FBLN1: variants seen among roughly 807,000 people sequenced by gnomAD.
FBLN1 encodes fibulin 1.
Under a neutral mutation model 89.7 loss-of-function variants are expected in FBLN1, and 34 were observed. The ratio of observed to expected loss-of-function variants is 0.38; its 90% CI spans 0.29 to 0.50. The LOEUF (loss-of-function observed/expected upper bound fraction) is 0.50. Among genes scored for constraint, FBLN1 ranks in the 20% least tolerant of loss-of-function variants. The pLI, the probability that FBLN1 is intolerant of heterozygous loss-of-function variation, is 0.92. For synonymous variants in FBLN1, 393 were observed against 391.3 expected, an observed-to-expected ratio of 1.00 and a Z score of -0.05; for missense variants, 777 against 988.1, an observed-to-expected ratio of 0.79 and a Z score of 2.86.
At chr22:45,517,355 C>G (rs532015313) in intron 1 of FBLN1, 3 of 346,620 alleles carry the variant, frequency 8.7e-6, no homozygotes, top group African/African-American at 4.4e-5. Flanking sequence ...AGAATGAGGT[C>G]CAAGTATGTG....
At chr22:45,567,626 T>C (rs1205551824) in intron 14 of FBLN1, among the ~76,000 whole-genome samples, 1 of 152,040 alleles carries the variant, frequency 6.6e-6, no homozygotes, top group Non-Finnish European at 1.5e-5. Flanking sequence ...AGAAAAAAGA[T>C]ATGCAAAACG....
Position 45,536,043 on chromosome 22 carries a change from C to T in FBLN1, c.922+706C>T, listed in dbSNP as rs1241190722. Among the ~76,000 whole-genome samples, 2 of 152,142 alleles carry T rather than the reference C, an allele frequency of 1.3e-5. No homozygotes were observed. The highest frequency in any genetic ancestry group is 3.9e-4 in the East Asian group (2 of 5,194). ...ACAAAAAATTAGCTGGGTGTAGTGG[C>T]GCATGCCTACAGTCCCAGCTACTTG... On this transcript the variant is annotated intron_variant, in intron 8 of 16. Coordinates refer to ENST00000327858, the MANE Select transcript of FBLN1 (RefSeq NM_006486.3). The surrounding 1 kb of genome is among the most constrained non-coding windows in gnomAD (Gnocchi z 5.1).
In FBLN1 at chr22:45,550,396, A is replaced by T; in HGVS notation, c.1574-96A>T. The stretch of plus-strand genomic sequence containing the variant: ...AGGGATGGCCTGATCGCCACCCCTA[A>T]CCCTAGTTGATGGGAGGCCTGGGCT... On this transcript the variant is annotated intron_variant, in intron 13 of 16. Transcript: ENST00000327858. This position sits in a 1 kb window ranked among gnomAD's most constrained non-coding sequence, Gnocchi z 8.4. 2 of 1,585,016 alleles carry T rather than the reference A, an allele frequency of 1.3e-6. No individual in the cohort carries two copies. The highest frequency in any genetic ancestry group is 2.2e-5 in the South Asian group (2 of 90,150).
At chr22:45,587,420 C>T (rs916414907) in intron 16 of FBLN1, among the ~76,000 whole-genome samples, 2 of 150,258 alleles carry the variant, frequency 1.3e-5, no homozygotes, top group Non-Finnish European at 3.0e-5. Context: ...CCACTTTTCA[C>T]ATCCATCCCC....
intron 14 of FBLN1, among the ~76,000 whole-genome samples, chr22:45,569,206 C>A (rs952366971): frequency 2.0e-5 from 3 of 151,086 alleles, no homozygotes; most frequent in East Asian, 1.9e-4. Flanking sequence ...GTGTCCCCCC[C>A]CAAATTCATA....
At chr22:45,508,635 G>A (rs2088057791) in intron 1 of FBLN1, among the ~76,000 whole-genome samples, 1 of 152,172 alleles carries the variant, frequency 6.6e-6, no homozygotes, top group Non-Finnish European at 1.5e-5. Flanking sequence ...TTTGGAGTGT[G>A]ATGGTGGGGT....
chr22:45,512,262 G>A (rs1456040490), intron 1 of FBLN1, among the ~76,000 whole-genome samples: 1 of 152,068 alleles, frequency 6.6e-6, no homozygotes, highest in Non-Finnish European at 1.5e-5. Context: ...CTGCCCTAGG[G>A]TTTGTGTACA....
rs759806422 is a variant in FBLN1, at chr22:45,536,492, C to A, written c.922+1155C>A. On this transcript the variant is annotated intron_variant, in intron 8 of 16. Coordinates refer to ENST00000327858, the MANE Select transcript of FBLN1 (RefSeq NM_006486.3). The surrounding 1 kb of genome is among the most constrained non-coding windows in gnomAD (Gnocchi z 5.1). ...TGAGAAAAGAAACTCTGGCCAGGCA[C>A]GGTGGCTCACACTTGTAATCCCAGC... Among the ~76,000 whole-genome samples, 3 of 152,156 alleles carry A rather than the reference C, an allele frequency of 2.0e-5. No homozygotes were observed. Among genetic ancestry groups the A allele is most frequent in the Non-Finnish European group, 4.4e-5 (3 of 68,030 alleles).
chr22:45,508,281 C>T (rs1390079851), intron 1 of FBLN1, among the ~76,000 whole-genome samples: 2 of 66,948 alleles, frequency 3.0e-5, no homozygotes, highest in East Asian at 1.1e-3. Flanking sequence ...GACAGCCTCG[C>T]GTATCTTTTT....
At chr22:45,543,812 A>G (rs1457241577) in intron 11 of FBLN1, among the ~76,000 whole-genome samples, 1 of 152,138 alleles carries the variant, frequency 6.6e-6, no homozygotes, top group Non-Finnish European at 1.5e-5. Context: ...CATGACACCC[A>G]CGAGTCACAG....
At chr22:45,592,203 A>G (rs1381992621) in intron 16 of FBLN1, among the ~76,000 whole-genome samples, 2 of 152,216 alleles carry the variant, frequency 1.3e-5, no homozygotes, top group African/African-American at 4.8e-5. Context: ...TGGGGGCTGA[A>G]TGCGGCTGTG....
At chr22:45,510,437 T>G (rs996539197) in intron 1 of FBLN1, among the ~76,000 whole-genome samples, 9 of 152,142 alleles carry the variant, frequency 5.9e-5, no homozygotes, top group African/African-American at 1.9e-4. Context: ...AGGCCCGGAC[T>G]TGCTCCGGGT....
chr22:45,569,889 C>G (rs1351066982), intron 14 of FBLN1, among the ~76,000 whole-genome samples: 2 of 152,082 alleles, frequency 1.3e-5, no homozygotes, highest in African/African-American at 4.8e-5. Context: ...AAATGCACAG[C>G]TATTATAAGC....
At chr22:45,558,219 A>G (rs2088812861) in intron 14 of FBLN1, 3 of 591,054 alleles carry the variant, frequency 5.1e-6, no homozygotes, top group Non-Finnish European at 9.5e-6. Context: ...GATCACGTAT[A>G]TACCACTTCC....
rs1360700866 is a variant in FBLN1, at chr22:45,554,379, T to C, written c.1697+3764T>C. 3.3e-5 allele frequency among the ~76,000 whole-genome samples: 5 copies of C among 152,144 alleles called. No homozygotes were observed. The East Asian group carries it at 9.6e-4, about 29-fold the overall frequency. On this transcript the variant is annotated intron_variant, in intron 14 of 16. Transcript: ENST00000327858. Reference sequence around the variant, plus strand: ...CGTTTGGCCTGGACCTGGGCATCTCTGGGGCAGGCCACCGCCAGCAGCACC... The same window carrying C: ...CGTTTGGCCTGGACCTGGGCATCTCCGGGGCAGGCCACCGCCAGCAGCACC...
chr22:45,595,863 T>G (rs2089179930), intron 16 of FBLN1, among the ~76,000 whole-genome samples: 1 of 152,290 alleles, frequency 6.6e-6, no homozygotes, highest in Non-Finnish European at 1.5e-5. Context: ...GGGTTTTTTT[T>G]GTTTTATTTT....
At position 45,524,998 on chromosome 22, in the gene FBLN1, C is replaced by T. The variant is rs1423751228; in HGVS notation, c.186-545C>T. 2.0e-5 allele frequency among the ~76,000 whole-genome samples: 3 copies of T among 152,074 alleles called. No individual in the cohort carries two copies. The East Asian group carries it at 5.8e-4, about 29-fold the overall frequency. On this transcript the variant is annotated intron_variant, in intron 2 of 16. Coordinates refer to ENST00000327858, the MANE Select transcript of FBLN1 (RefSeq NM_006486.3). The stretch of plus-strand genomic sequence containing the variant: ...ACTGGGGAGGCTGAGGCAGGAGAAT[C>T]GCTTGAACCCGAGACGCAGAGGCTG...
rs1375683358 is a variant in FBLN1 at position 45,550,842 on chromosome 22, GT to G, written c.1697+231del. The stretch of plus-strand genomic sequence containing the variant: ...AAATGAGTCTGGGGTCTATAGTCAT[GT>G]TTTCAGGCCAAGGCTGTGCACAGAA... On this transcript the variant is annotated intron_variant, in intron 14 of 16. Transcript: ENST00000327858. The surrounding 1 kb of genome is among the most constrained non-coding windows in gnomAD (Gnocchi z 8.4). The G allele has an allele frequency of 2.2e-5, 14 of 624,634 alleles. No homozygotes were observed. Among genetic ancestry groups the G allele is most frequent in the Non-Finnish European group, 1.7e-5 (6 of 349,536 alleles). The allele number at this position is 624,634 out of a possible 1,614,324, so 38.7% of individuals were successfully genotyped here.
At chr22:45,554,901 C>T (rs949592331) in intron 14 of FBLN1, among the ~76,000 whole-genome samples, 2 of 152,232 alleles carry the variant, frequency 1.3e-5, no homozygotes, top group Admixed American at 6.5e-5. Flanking sequence ...AAGATAATAC[C>T]GATCTCCATC....
Sources: allele counts gnomAD v4.1 joint callset (sites outside exome capture counted in the v4.1 genomes callset), GRCh38; gene constraint gnomAD v4.1.1; non-coding constraint Gnocchi (gnomAD v3.1); transcripts MANE v1.5; gene names NCBI Gene and HGNC (gene_info 2026-07-23, HGNC 2026-07-21).